The following EHBP1 variants were observed in gnomAD, a reference collection of about 807,000 sequenced individuals.
The protein encoded by EHBP1 is EH domain binding protein 1, also known as EH domain-binding protein 1.
EHBP1 carries 55 observed loss-of-function variants against 144.0 expected under a neutral mutation model. The observed-to-expected ratio is 0.38, with a 90% CI of 0.31 to 0.48. The LOEUF (loss-of-function observed/expected upper bound fraction) is 0.48, where lower values mean the gene tolerates loss of function less well. Ranked by LOEUF, EHBP1 falls within the 20% of genes least tolerant of loss-of-function variation. The probability of loss-of-function intolerance (pLI) is 0.98; values close to 1 mark genes in which losing one functional copy is unlikely to be tolerated. For synonymous variants in EHBP1, 469 were observed against 472.7 expected (o/e 0.99, Z 0.10); for missense variants, 1,200 against 1,364.2 (o/e 0.88, Z 1.90).
At chr2:62,865,759 T>G (rs1372524473) in intron 9 of EHBP1, among the ~76,000 whole-genome samples, 1 of 152,234 alleles carries the variant, frequency 6.6e-6, no homozygotes, top group African/African-American at 2.4e-5. Flanking sequence ...AGCCCTACAA[T>G]TATGTAACTT....
chr2:63,017,772 T>C (rs1383725514), intron 19 of EHBP1, among the ~76,000 whole-genome samples: 1 of 152,244 alleles, frequency 6.6e-6, no homozygotes, highest in African/African-American at 2.4e-5. Context: ...TTTATTATTC[T>C]GTATTACATA....
chr2:62,758,715 C>A (rs1251735488), intron 3 of EHBP1, among the ~76,000 whole-genome samples: 1 of 152,060 alleles, frequency 6.6e-6, no homozygotes, highest in African/African-American at 2.4e-5. Context: ...ACTTTAAAAT[C>A]CTCACCAATT....
intron 21 of EHBP1, chr2:63,043,917 G>GTTT (rs1559110359): frequency 1.4e-4 from 5 of 36,194 alleles, no homozygotes; most frequent in African/African-American, 5.7e-4. Context: ...AGTGGCCATG[G>GTTT]TTCTTTTTTT....
chr2:62,720,470 C>G (rs1033836357), intron 2 of EHBP1, among the ~76,000 whole-genome samples: 3 of 152,030 alleles, frequency 2.0e-5, no homozygotes, highest in African/African-American at 7.2e-5. Flanking sequence ...CAAATTTTAT[C>G]TTTTATTCTT....
At chr2:62,752,297 G>A (rs944133123) in intron 3 of EHBP1, among the ~76,000 whole-genome samples, 7 of 152,220 alleles carry the variant, frequency 4.6e-5, no homozygotes, top group Non-Finnish European at 8.8e-5. Context: ...GCGGTTTTGA[G>A]TGAGGTTCTT....
chr2:62,932,138 C>T (rs897506968), intron 10 of EHBP1, among the ~76,000 whole-genome samples: 2 of 150,584 alleles, frequency 1.3e-5, no homozygotes, highest in African/African-American at 2.5e-5. Flanking sequence ...GATTGTGCCA[C>T]TGTACTCTAG....
intron 3 of EHBP1, among the ~76,000 whole-genome samples, chr2:62,752,319 C>G (rs1016895595): frequency 5.3e-5 from 8 of 152,162 alleles, no homozygotes; most frequent in Non-Finnish European, 1.2e-4. Flanking sequence ...ATCCTGAGTT[C>G]TAGTTTGATT....
intron 1 of EHBP1, among the ~76,000 whole-genome samples, chr2:62,679,160 C>G (rs563534336): frequency 1.7e-3 from 263 of 152,228 alleles, no homozygotes; most frequent in Non-Finnish European, 3.3e-3. Context: ...TAAATTTGAC[C>G]TCCCACAACA....
intron 10 of EHBP1, among the ~76,000 whole-genome samples, chr2:62,934,836 T>C (rs936783929): frequency 6.6e-6 from 1 of 152,186 alleles, no homozygotes; most frequent in Non-Finnish European, 1.5e-5. Context: ...GTAAATAATG[T>C]TGCCTGGAAA....
intron 7 of EHBP1, among the ~76,000 whole-genome samples, chr2:62,839,731 A>G (rs1278284447): frequency 1.3e-5 from 2 of 152,194 alleles, no homozygotes; most frequent in African/African-American, 2.4e-5. Context: ...GTCAACTCCC[A>G]TTCACAATTG....
Position 62,940,240 on chromosome 2 carries a change from C to A in EHBP1, c.1186-2478C>A. ...AGATTGTTAAATAGATTTATTCGGT[C>A]AGTATTGAGCCAAGAGTTGAGGTTG... is the stretch of plus-strand genomic sequence containing the variant. On this transcript the variant is annotated intron_variant, in intron 10 of 22. Transcript: ENST00000431489. 3 of 281,894 alleles carry A rather than the reference C, an allele frequency of 1.1e-5. No homozygotes were observed. The South Asian group carries it at 1.3e-4, about 12-fold the overall frequency. 17.5% of individuals were successfully genotyped at this position (281,894 alleles called of 1,614,324 possible). A position where few individuals can be genotyped will look rare whatever the true frequency, so the allele number is the denominator to read the frequency against.
intron 19 of EHBP1, among the ~76,000 whole-genome samples, chr2:63,016,955 G>A (rs1473784272): frequency 1.3e-5 from 2 of 152,126 alleles, no homozygotes; most frequent in African/African-American, 2.4e-5. Flanking sequence ...TACAGGAGAG[G>A]CTGTTCTTCA....
chr2:62,757,345 A>G (rs905231134), intron 3 of EHBP1, among the ~76,000 whole-genome samples: 1 of 150,716 alleles, frequency 6.6e-6, no homozygotes. Flanking sequence ...CTAGCAGAAT[A>G]TATTCTAGTT....
At chr2:63,026,288 T>A (rs1159614776) in intron 19 of EHBP1, among the ~76,000 whole-genome samples, 2 of 140,768 alleles carry the variant, frequency 1.4e-5, no homozygotes, top group East Asian at 4.5e-4. Flanking sequence ...AATATGGCTC[T>A]CTACCTTGTG....
chr2:62,781,215 G>C (rs932488775), intron 5 of EHBP1, among the ~76,000 whole-genome samples: 4 of 151,938 alleles, frequency 2.6e-5, no homozygotes, highest in African/African-American at 9.7e-5. Flanking sequence ...GGTTAGGGGA[G>C]GCTTTCTATT....
intron 19 of EHBP1, among the ~76,000 whole-genome samples, chr2:63,009,222 C>T (rs113350302): frequency 5.9e-4 from 90 of 151,774 alleles, no homozygotes; most frequent in African/African-American, 2.0e-3. Context: ...ATACTTTACA[C>T]TGTAAAACTC....
At chr2:62,968,201 A>G (rs914960430) in intron 14 of EHBP1, among the ~76,000 whole-genome samples, 4 of 152,170 alleles carry the variant, frequency 2.6e-5, no homozygotes, top group African/African-American at 9.7e-5. Flanking sequence ...AAGTAATACT[A>G]CTAGCATAGA....
At chr2:63,036,281 A>G (rs2153358716) in intron 19 of EHBP1, among the ~76,000 whole-genome samples, 1 of 152,178 alleles carries the variant, frequency 6.6e-6, no homozygotes, top group Middle Eastern at 3.4e-3. Context: ...ATAGATGAAT[A>G]TGTAATATGA....
At chr2:62,685,471 A>T (rs2033687131) in intron 1 of EHBP1, among the ~76,000 whole-genome samples, 1 of 151,720 alleles carries the variant, frequency 6.6e-6, no homozygotes, top group African/African-American at 2.4e-5. Context: ...CTTCATCTTC[A>T]CATGGTGTTC....
Sources: allele counts gnomAD v4.1 joint callset (sites outside exome capture counted in the v4.1 genomes callset), GRCh38; gene constraint gnomAD v4.1.1; transcripts MANE v1.5; gene names NCBI Gene and HGNC (gene_info 2026-07-23, HGNC 2026-07-21).